AP2A2: variants seen among roughly 807,000 people sequenced by gnomAD.
AP2A2 encodes AP-2 complex subunit alpha-2.
AP2A2 carries 32 observed loss-of-function variants against 104.2 expected under a neutral mutation model. That is an observed-to-expected ratio of 0.31 (90% confidence interval 0.23 to 0.41). The LOEUF (loss-of-function observed/expected upper bound fraction) is 0.41, where lower values mean the gene tolerates loss of function less well. Among genes scored for constraint, AP2A2 ranks in the 10% least tolerant of loss-of-function variants. AP2A2 has a pLI of 1.00. For synonymous variants in AP2A2, 539 were observed against 533.3 expected, an observed-to-expected ratio of 1.01 and a Z score of -0.15; for missense variants, 912 against 1,261.0, an observed-to-expected ratio of 0.72 and a Z score of 4.19.
intron 18 of AP2A2, 116 bp downstream of exon 18, chr11:1,008,251 C>T: frequency 1.4e-6 from 2 of 1,388,552 alleles, no homozygotes; most frequent in South Asian, 1.5e-5. Context: ...CGTGCGGGTG[C>T]TCACGGTGCA....
At chr11:927,917 A>G (rs898687822) in intron 1 of AP2A2, among the ~76,000 whole-genome samples, 3 of 151,914 alleles carry the variant, frequency 2.0e-5, no homozygotes, top group African/African-American at 4.8e-5. Context: ...TGAGACCAAC[A>G]TGCATTTTGT....
At chr11:991,645 C>T (rs1278463086) in intron 10 of AP2A2, among the ~76,000 whole-genome samples, 9 of 151,686 alleles carry the variant, frequency 5.9e-5, no homozygotes, top group African/African-American at 1.9e-4. Context: ...GGAATGATGC[C>T]CTGGAAGTGT....
chr11:965,279 G>A (rs1190018631), intron 2 of AP2A2, among the ~76,000 whole-genome samples: 1 of 152,186 alleles, frequency 6.6e-6, no homozygotes, highest in Non-Finnish European at 1.5e-5. Context: ...GAAGCGTGGA[G>A]GTGGAAAGAA....
At position 1,009,988 on chromosome 11, in the gene AP2A2, C is replaced by T. The variant is rs1025132470; in HGVS notation, c.2742+171C>T. 7 of 756,986 alleles carry T rather than the reference C, an allele frequency of 9.2e-6. No homozygotes were observed. In the Admixed American group the frequency reaches 1.6e-4, roughly 18 times the overall value. The allele number at this position is 756,986 out of a possible 1,614,324, so 46.9% of individuals were successfully genotyped here. A position where few individuals can be genotyped will look rare whatever the true frequency, so the allele number is the denominator to read the frequency against. ...CTCCCAGCCTCCCCGCAGCTGGCCA[C>T]CGTGGAGCATCATCCCTAGTGCAGT... is the stretch of plus-strand genomic sequence containing the variant. On this transcript the variant is annotated intron_variant, in intron 21 of 21. Transcript: ENST00000448903.
Position 994,095 on chromosome 11 carries a change from C to T in AP2A2, c.1806C>T (p.Pro602=), listed in dbSNP as rs763802771. ...AGGCGACCGTGCTGGAGGAGATGCCCCCATTCCCGGAGCGGGAGTCCTCCA... is the reference window on the plus strand; with the variant it reads ...AGGCGACCGTGCTGGAGGAGATGCCTCCATTCCCGGAGCGGGAGTCCTCCA... ...DILATVLEEM[P]PFPERESSIL... Residue 602 remains proline, a synonymous_variant, in exon 14 of 22, where the codon CCC becomes CCT. Transcript: ENST00000448903. The T allele has an allele frequency of 7.4e-6, 12 of 1,612,934 alleles. No individual in the cohort carries two copies. The African/African-American group carries it at 1.1e-4, about 14-fold the overall frequency.
At chr11:963,627 G>C (rs554958526) in intron 2 of AP2A2, among the ~76,000 whole-genome samples, 275 of 152,208 alleles carry the variant, frequency 1.8e-3, no homozygotes, top group Non-Finnish European at 3.0e-3. Context: ...TTGATCAATT[G>C]ATTGATCTAT....
At chr11:952,847 T>C (rs934530498) in intron 1 of AP2A2, among the ~76,000 whole-genome samples, 2 of 152,178 alleles carry the variant, frequency 1.3e-5, no homozygotes, top group African/African-American at 4.8e-5. Context: ...TTTTGCTAGA[T>C]CTGTTCCCGG....
intron 21 of AP2A2, 26 bp downstream of exon 21, chr11:1,009,843 C>T (rs754831679): frequency 4.2e-5 from 64 of 1,531,454 alleles, no homozygotes; most frequent in Non-Finnish European, 5.4e-5. Context: ...AATGGTGGAA[C>T]ACACTTGAGT....
At chr11:947,222 G>A (rs1011932195) in intron 1 of AP2A2, among the ~76,000 whole-genome samples, 1 of 152,018 alleles carries the variant, frequency 6.6e-6, no homozygotes, top group Admixed American at 6.6e-5. Context: ...TGTTGGTCAG[G>A]CTGGTCTCGA....
At chr11:930,885 A>T (rs1204109022) in intron 1 of AP2A2, among the ~76,000 whole-genome samples, 1 of 152,176 alleles carries the variant, frequency 6.6e-6, no homozygotes, top group African/African-American at 2.4e-5. Flanking sequence ...GGAAACAGAC[A>T]CTGGTACACA....
intron 2 of AP2A2, among the ~76,000 whole-genome samples, chr11:960,858 C>T (rs1483146202): frequency 1.3e-5 from 2 of 152,034 alleles, no homozygotes; most frequent in African/African-American, 4.8e-5. Flanking sequence ...GGGGTTTCTC[C>T]ATGTTGGTCA....
At chr11:997,733 C>T (rs7112359) in intron 14 of AP2A2, among the ~76,000 whole-genome samples, 43,208 of 151,754 alleles carry the variant, frequency 0.28, 6,495 homozygotes, top group East Asian at 0.52. Flanking sequence ...GGTGAAACCC[C>T]GTCTCTTCTA....
Position 992,461 on chromosome 11 carries a change from A to G in AP2A2, c.1270-42A>G. 3 of 1,553,030 alleles carry G rather than the reference A, an allele frequency of 1.9e-6. No individual in the cohort carries two copies. Among genetic ancestry groups the G allele is most frequent in the Non-Finnish European group, 2.6e-6 (3 of 1,147,248 alleles). The stretch of plus-strand genomic sequence containing the variant: ...ACGACAGTTTGGTCTTGGGATTGCC[A>G]TGGCCTGCAGGTGCCGGCCCTCAGC... On this transcript the variant is annotated intron_variant, in intron 10 of 21. Transcript: ENST00000448903. The surrounding 1 kb of genome is among the most constrained non-coding windows in gnomAD (Gnocchi z 6.4).
At chr11:979,399 A>G (rs1855163770) in intron 5 of AP2A2, among the ~76,000 whole-genome samples, 1 of 151,956 alleles carries the variant, frequency 6.6e-6, no homozygotes. Context: ...AAGAAGACCA[A>G]TCAGACCAAT....
chr11:981,145 C>T, intron 5 of AP2A2, 53 bp from the exon 6 acceptor site: 2 of 1,474,990 alleles, frequency 1.4e-6, no homozygotes, highest in Non-Finnish European at 1.9e-6. Flanking sequence ...GATGAGTGAA[C>T]ACAAGTGGTT....
chr11:995,003 T>C (rs1855804843), intron 14 of AP2A2, among the ~76,000 whole-genome samples: 1 of 151,538 alleles, frequency 6.6e-6, no homozygotes, highest in Non-Finnish European at 1.5e-5. Context: ...CTCTGGCCTG[T>C]CCCGGGGGCC....
intron 4 of AP2A2, among the ~76,000 whole-genome samples, chr11:973,591 C>A (rs1356654161): frequency 6.6e-6 from 1 of 152,072 alleles, no homozygotes; most frequent in Non-Finnish European, 1.5e-5. Flanking sequence ...GCTCCTCAGG[C>A]CATTCAGTCA....
chr11:944,136 C>T (rs988602336), intron 1 of AP2A2, among the ~76,000 whole-genome samples: 3 of 152,180 alleles, frequency 2.0e-5, no homozygotes, highest in Admixed American at 1.3e-4. Flanking sequence ...GAAAAGCGGA[C>T]AGGTCGACAG....
intron 2 of AP2A2, among the ~76,000 whole-genome samples, chr11:960,256 T>TC (rs1364431925): frequency 1.3e-5 from 2 of 151,478 alleles, no homozygotes; most frequent in African/African-American, 4.8e-5. Context: ...TCTTTTTTTT[T>TC]TTTTGAGATG....
Sources: gnomAD v4.1 joint callset for allele counts (sites outside exome capture counted in the v4.1 genomes callset) on GRCh38, gnomAD v4.1.1 for gene constraint, Gnocchi (gnomAD v3.1) non-coding constraint, MANE v1.5 for transcripts, NCBI Gene and HGNC (gene_info 2026-07-23, HGNC 2026-07-21) for gene names.